MCPH1: variants seen among roughly 807,000 people sequenced by gnomAD.
MCPH1 encodes the protein microcephalin.
Under a neutral mutation model 84.5 loss-of-function variants are expected in MCPH1, and 104 were observed. That is an observed-to-expected ratio of 1.23 (90% CI 1.05 to 1.45). The LOEUF (loss-of-function observed/expected upper bound fraction) is 1.45. MCPH1 is among the 40% of genes most tolerant of loss of function. The pLI is 0.00. For synonymous variants in MCPH1, 514 were observed against 366.8 expected (o/e 1.40, Z -4.58); for missense variants, 1,498 against 1,005.7 (o/e 1.49, Z -6.62).
At chr8:6,575,148 G>C (rs1400051447) in intron 12 of MCPH1, among the ~76,000 whole-genome samples, 1 of 152,124 alleles carries the variant, frequency 6.6e-6, no homozygotes, top group Non-Finnish European at 1.5e-5. Flanking sequence ...TTGCATGTTT[G>C]GGTCTGAGCT....
chr8:6,424,093 C>T (rs1407989974), intron 3 of MCPH1, among the ~76,000 whole-genome samples: 1 of 152,116 alleles, frequency 6.6e-6, no homozygotes, highest in African/African-American at 2.4e-5. Flanking sequence ...CTAGGTGTCA[C>T]TAGAATCCCA....
chr8:6,446,777 G>A (rs1804438366), intron 8 of MCPH1: 2 of 984,848 alleles, frequency 2.0e-6, no homozygotes, highest in Non-Finnish European at 2.4e-6. Context: ...AAATTAAGTA[G>A]GAAAAAGCTG....
intron 1 of MCPH1, among the ~76,000 whole-genome samples, chr8:6,407,317 T>G (rs1167287465): frequency 3.3e-5 from 5 of 152,058 alleles, no homozygotes; most frequent in Non-Finnish European, 7.3e-5. Context: ...TATGGTATTG[T>G]CTGATTTTTT....
chr8:6,458,062 G>A (rs1805889962), intron 9 of MCPH1, among the ~76,000 whole-genome samples: 1 of 152,122 alleles, frequency 6.6e-6, no homozygotes, highest in South Asian at 2.1e-4. Context: ...ACAGCCTTGG[G>A]ACTTTTAGAA....
intron 3 of MCPH1, among the ~76,000 whole-genome samples, chr8:6,415,183 G>C (rs568365803): frequency 2.0e-5 from 3 of 152,062 alleles, no homozygotes; most frequent in Non-Finnish European, 4.4e-5. Context: ...GTCAGCAAGC[G>C]CTGCTGTAAC....
chr8:6,451,960 A>C (rs1805140606), intron 8 of MCPH1, among the ~76,000 whole-genome samples: 1 of 152,224 alleles, frequency 6.6e-6, no homozygotes. Flanking sequence ...TGTTAGTCTT[A>C]ATTCTGTATC....
At chr8:6,529,519 T>C (rs1351208391) in intron 12 of MCPH1, among the ~76,000 whole-genome samples, 5 of 151,120 alleles carry the variant, frequency 3.3e-5, no homozygotes, top group Middle Eastern at 3.4e-3. Context: ...TGGCACCATA[T>C]CTGTTCACTA....
At chr8:6,567,442 T>G (rs1826291437) in intron 12 of MCPH1, among the ~76,000 whole-genome samples, 1 of 152,200 alleles carries the variant, frequency 6.6e-6, no homozygotes, top group African/African-American at 2.4e-5. Flanking sequence ...CGGCTCAGCC[T>G]TCTGTGTGGC....
chr8:6,579,763 C>G (rs1398399248), intron 12 of MCPH1, among the ~76,000 whole-genome samples: 1 of 152,134 alleles, frequency 6.6e-6, no homozygotes, highest in Non-Finnish European at 1.5e-5. Context: ...GCACGTGTCG[C>G]CAGAGGTCAC....
chr8:6,465,924 G>A (rs578145451), intron 9 of MCPH1, among the ~76,000 whole-genome samples: 1 of 148,246 alleles, frequency 6.7e-6, no homozygotes, highest in East Asian at 2.0e-4. Context: ...TTTATCTATC[G>A]ATCCATCCAT....
At position 6,445,352 on chromosome 8, in the gene MCPH1, C is replaced by G. The variant is rs1295124257; in HGVS notation, c.1630C>G (p.Pro544Ala). 3.7e-6 allele frequency: 6 copies of G among 1,614,220 alleles called. No individual in the cohort carries two copies. In the Admixed American group the frequency reaches 6.7e-5, roughly 18 times the overall value. ...AAAAGGACATGATGATGATTTAACT[C>G]CTTTGGAAGGAAGCCTTGAAGAAAT... ...LPKGHDDDLT[P>A]LEGSLEEMKE... Residue 544 changes from proline to alanine, a missense_variant, in exon 8 of 14, where the codon CCT becomes GCT. Physicochemically the swap from Pro to Ala is conservative, Grantham distance 27. Coordinates refer to ENST00000344683, the MANE Select transcript of MCPH1 (RefSeq NM_024596.5).
chr8:6,556,518 T>C (rs1824633428), intron 12 of MCPH1, among the ~76,000 whole-genome samples: 1 of 3,000 alleles, frequency 3.3e-4, no homozygotes, highest in Non-Finnish European at 1.5e-3. Context: ...TTCATTCATT[T>C]ACCCCTTCTG....
chr8:6,414,676 A>G (rs1799011395), intron 2 of MCPH1, 89 bp from the exon 3 acceptor site: 5 of 1,423,804 alleles, frequency 3.5e-6, no homozygotes, highest in Non-Finnish European at 4.8e-6. Context: ...TGAGAAACAG[A>G]ATTGCTGGGG....
chr8:6,627,552 T>C (rs1038457661), intron 13 of MCPH1, among the ~76,000 whole-genome samples: 16 of 152,340 alleles, frequency 1.1e-4, no homozygotes, highest in African/African-American at 3.8e-4. Flanking sequence ...GAACTAAAAC[T>C]GGTGGGATTT....
intron 11 of MCPH1, among the ~76,000 whole-genome samples, chr8:6,498,456 C>G (rs1811544652): frequency 6.6e-6 from 1 of 152,180 alleles, no homozygotes. Context: ...CCTGGGATGT[C>G]TGTGTAAATT....
chr8:6,590,955 C>G (rs1310343323), intron 12 of MCPH1, among the ~76,000 whole-genome samples: 2 of 152,184 alleles, frequency 1.3e-5, no homozygotes, highest in Non-Finnish European at 2.9e-5. Flanking sequence ...AGGCTGGAGT[C>G]CAATGGCGCA....
chr8:6,592,924 C>T (rs1828623313), intron 12 of MCPH1, among the ~76,000 whole-genome samples: 1 of 151,074 alleles, frequency 6.6e-6, no homozygotes. Context: ...GCCTTGTCCT[C>T]CCAAAGTGCT....
intron 12 of MCPH1, among the ~76,000 whole-genome samples, chr8:6,519,266 C>G (rs985911489): frequency 3.9e-5 from 6 of 152,098 alleles, no homozygotes; most frequent in Non-Finnish European, 7.4e-5. Context: ...ACTGTTTTCA[C>G]GATGCTAAGA....
intron 11 of MCPH1, among the ~76,000 whole-genome samples, chr8:6,481,682 C>T (rs369289475): frequency 5.9e-5 from 9 of 152,146 alleles, no homozygotes; most frequent in South Asian, 4.1e-4. Context: ...GTCTTTTTTC[C>T]GTGTTGTGAC....
Sources: allele counts gnomAD v4.1 joint callset (sites outside exome capture counted in the v4.1 genomes callset), GRCh38; gene constraint gnomAD v4.1.1; transcripts MANE v1.5; gene names NCBI Gene and HGNC (gene_info 2026-07-23, HGNC 2026-07-21).